The following REPS2 variants were observed in gnomAD, a reference collection of about 807,000 sequenced individuals.
REPS2 encodes the protein ralBP1-associated Eps domain-containing protein 2.
In REPS2, 23 loss-of-function variants were observed where a neutral mutation model predicts 53.6. That is an observed-to-expected ratio of 0.43 (90% confidence interval 0.31 to 0.61). REPS2 has a LOEUF of 0.61. REPS2 is among the 20% of genes least tolerant of loss of function. The pLI is 0.11. For synonymous variants in REPS2, 238 were observed against 218.6 expected, an observed-to-expected ratio of 1.09 and a Z score of -0.78; for missense variants, 446 against 534.9, an observed-to-expected ratio of 0.83 and a Z score of 1.64.
Position 16,947,054 on chromosome X carries a change from CCCGGCACGGCCACTGCGGCCG to C in REPS2, c.199_219del (p.Thr67_Gly73del), listed in dbSNP as rs2060444159. 9.7e-7 allele frequency: 1 copy of C among 1,034,323 alleles called. No individual in the cohort carries two copies. Among genetic ancestry groups the C allele is most frequent in the African/African-American group, 2.0e-5 (1 of 50,176 alleles). 85.2% of individuals were successfully genotyped at this position (1,034,323 alleles called of 1,213,427 possible). A position where few individuals can be genotyped will look rare whatever the true frequency, so the allele number is the denominator to read the frequency against. On this transcript the variant is annotated inframe_deletion, in exon 1 of 18. Coordinates refer to ENST00000357277, the MANE Select transcript of REPS2 (RefSeq NM_004726.3). ...GCCCCCCGAGGCCGCCAGAGTCGCC[CCCGGCACGGCCACTGCGGCCG>C]CCGGCCCCGTGGCTGACCTGTTTCG... is the stretch of plus-strand genomic sequence containing the variant.
intron 1 of REPS2, among the ~76,000 whole-genome samples, chrX:16,960,208 TA>T (rs1212431277): frequency 2.8e-5 from 3 of 107,740 alleles, no homozygotes; most frequent in African/African-American, 1.0e-4. Context: ...TACAAAAAAT[TA>T]AAAAAAAATG....
chrX:17,194,170 G>A, the REPS2 span, among the ~76,000 whole-genome samples: 1 of 111,725 alleles, frequency 9.0e-6, no homozygotes, highest in Non-Finnish European at 1.9e-5. Context: ...GTGTTATGGA[G>A]CCTCAATTTC....
chrX:17,101,083 T>G (rs2062789569), intron 13 of REPS2, among the ~76,000 whole-genome samples: 1 of 102,580 alleles, frequency 9.7e-6, no homozygotes. Context: ...AGATGGAGTC[T>G]GGCTCTGTCA....
At chrX:16,997,221 A>G (rs112736404) in intron 1 of REPS2, among the ~76,000 whole-genome samples, 1 of 112,643 alleles carries the variant, frequency 8.9e-6, no homozygotes, top group African/African-American at 3.2e-5. Flanking sequence ...CCGTAATTGC[A>G]TTTTAACTCA....
intron 5 of REPS2, among the ~76,000 whole-genome samples, chrX:17,034,210 T>C (rs1456801914): frequency 8.9e-6 from 1 of 112,149 alleles, no homozygotes; most frequent in Non-Finnish European, 1.9e-5. Context: ...TTCTTTTGTA[T>C]CATTCTAGGA....
intron 2 of REPS2, among the ~76,000 whole-genome samples, chrX:17,006,812 G>A (rs926866977): frequency 9.0e-6 from 1 of 111,329 alleles, no homozygotes; most frequent in Non-Finnish European, 1.9e-5. Context: ...TAAGTACTTG[G>A]GTGCTACCAA....
rs1569083738 is a variant in REPS2 at position 16,951,550 on chromosome X, CA to C, written c.273+4417del. ...ACACACACACACACACACACACACACACACACACACCCCCGCTACCTACCTC... is the reference window on the plus strand; with the variant it reads ...ACACACACACACACACACACACACACCACACACACCCCCGCTACCTACCTC... On this transcript the variant is annotated intron_variant, in intron 1 of 17. Transcript: ENST00000357277. Among the ~76,000 whole-genome samples the C allele has an allele frequency of 2.1e-3, 66 of 32,006 alleles. 1 individual carries two copies. The highest frequency in any genetic ancestry group is 4.6e-3 in the South Asian group (2 of 434). The allele number at this position is 32,006 out of a possible 115,157, so 27.8% of individuals were successfully genotyped here.
At chrX:17,109,322 G>C (rs981413272) in intron 14 of REPS2, among the ~76,000 whole-genome samples, 2 of 111,446 alleles carry the variant, frequency 1.8e-5, no homozygotes, top group African/African-American at 6.5e-5. Context: ...GGGGTGCTGA[G>C]GTCCGGCCAC....
At chrX:17,120,457 A>C (rs781165557) in intron 14 of REPS2, among the ~76,000 whole-genome samples, 1 of 112,007 alleles carries the variant, frequency 8.9e-6, no homozygotes, top group South Asian at 3.8e-4. Context: ...CCATTTTCAT[A>C]GGGTTATGAT....
chrX:17,152,024 T>C lies in REPS2; in HGVS notation c.*4543T>C, dbSNP rs899134460. On this transcript the variant is annotated 3_prime_UTR_variant, in exon 18 of 18. Transcript: ENST00000357277. Reference sequence around the variant, plus strand: ...CCAACACTGATAGGTCAGTCATTGATGGCAATTTGAATGTGGGTATTACTC... The same window carrying C: ...CCAACACTGATAGGTCAGTCATTGACGGCAATTTGAATGTGGGTATTACTC... 9.0e-6 allele frequency: 1 copy of C among 111,353 alleles called. No homozygotes were observed. The highest frequency in any genetic ancestry group is 9.6e-5 in the Admixed American group (1 of 10,452). The allele number at this position is 111,353 out of a possible 1,213,427, so 9.2% of individuals were successfully genotyped here. A position where few individuals can be genotyped will look rare whatever the true frequency, so the allele number is the denominator to read the frequency against.
At chrX:17,105,867 G>GCTT (rs778132946) in intron 14 of REPS2, among the ~76,000 whole-genome samples, 60 of 112,074 alleles carry the variant, frequency 5.4e-4, no homozygotes, top group South Asian at 1.9e-3. Context: ...GACCCTATGA[G>GCTT]CGTCTTACTA....
intron 1 of REPS2, among the ~76,000 whole-genome samples, chrX:16,971,041 A>G (rs754355330): frequency 1.8e-5 from 2 of 112,383 alleles, no homozygotes; most frequent in East Asian, 2.8e-4. Context: ...TGGTAACTCT[A>G]TGTTTAACCT....
chrX:17,038,414 G>T (rs1377921531), intron 5 of REPS2, among the ~76,000 whole-genome samples: 3 of 111,884 alleles, frequency 2.7e-5, no homozygotes, highest in African/African-American at 6.5e-5. Context: ...CTCCAAAACC[G>T]CACAGCAGAG....
At position 17,151,421 on chromosome X, in the gene REPS2, A is replaced by G. The variant is rs1284733239; in HGVS notation, c.*3940A>G. On this transcript the variant is annotated 3_prime_UTR_variant, in exon 18 of 18. Transcript: ENST00000357277. ...TAATAGATGTGTACTCAGAAGATCAATAAGGTAATATTGGAATTCATGTGT... is the reference window on the plus strand; with the variant it reads ...TAATAGATGTGTACTCAGAAGATCAGTAAGGTAATATTGGAATTCATGTGT... 2 of 112,857 alleles carry G rather than the reference A, an allele frequency of 1.8e-5. No individual in the cohort carries two copies. Among genetic ancestry groups the G allele is most frequent in the African/African-American group, 3.2e-5 (1 of 30,990 alleles). 9.3% of individuals were successfully genotyped at this position (112,857 alleles called of 1,213,427 possible). A position where few individuals can be genotyped will look rare whatever the true frequency, so the allele number is the denominator to read the frequency against.
the REPS2 span, among the ~76,000 whole-genome samples, chrX:17,168,108 G>A: frequency 3.5e-4 from 39 of 111,945 alleles, no homozygotes; most frequent in Admixed American, 1.1e-3. Context: ...ACCTCAAGTC[G>A]GCACATGTAT....
chrX:17,029,405 A>G (rs1247422327), intron 4 of REPS2, 121 bp from the exon 5 acceptor site: 7 of 498,249 alleles, frequency 1.4e-5, no homozygotes, highest in Admixed American at 3.1e-5. Context: ...AGATGGCCCT[A>G]TGAGTATTCT....
chrX:17,033,833 C>T (rs896356447), intron 5 of REPS2, among the ~76,000 whole-genome samples: 24 of 112,228 alleles, frequency 2.1e-4, no homozygotes, highest in African/African-American at 7.8e-4. Context: ...AACATGTCAT[C>T]CATGTTGCTG....
intron 8 of REPS2, among the ~76,000 whole-genome samples, chrX:17,058,366 T>C (rs774785007): frequency 5.7e-5 from 6 of 105,800 alleles, no homozygotes; most frequent in African/African-American, 2.1e-4. Context: ...GGCAGGAGAA[T>C]CACTTGAACC....
At chrX:17,121,744 C>A (rs1441734622) in intron 14 of REPS2, among the ~76,000 whole-genome samples, 1 of 110,803 alleles carries the variant, frequency 9.0e-6, no homozygotes, top group East Asian at 2.8e-4. Context: ...CGGAGTCTCA[C>A]TCTGTCGCCC....
Sources: allele counts gnomAD v4.1 joint callset (sites outside exome capture counted in the v4.1 genomes callset), GRCh38; gene constraint gnomAD v4.1.1; transcripts MANE v1.5; gene names NCBI Gene and HGNC (gene_info 2026-07-23, HGNC 2026-07-21).